BRINP3: variants seen among roughly 807,000 people sequenced by gnomAD.
The protein encoded by BRINP3 is BMP/retinoic acid inducible neural specific 3, also known as BMP/retinoic acid-inducible neural-specific protein 3.
BRINP3 carries 19 observed loss-of-function variants against 71.0 expected under a neutral mutation model. The observed-to-expected ratio is 0.27, with a 90% confidence interval of 0.19 to 0.39. BRINP3 has a LOEUF of 0.39. Among genes scored for constraint, BRINP3 ranks in the 10% least tolerant of loss-of-function variants. The pLI is 1.00. For missense variants in BRINP3, 959 were observed against 940.8 expected, an observed-to-expected ratio of 1.02 and a Z score of -0.25; for synonymous variants, 380 against 337.7, an observed-to-expected ratio of 1.13 and a Z score of -1.37.
chr1:190,149,234 C>T (rs1332720228), intron 7 of BRINP3, among the ~76,000 whole-genome samples: 2 of 152,140 alleles, frequency 1.3e-5, no homozygotes, highest in Non-Finnish European at 2.9e-5. Context: ...TCTTTTAGCT[C>T]GTTATGTGGG....
At chr1:190,229,334 C>A (rs1657717306) in intron 5 of BRINP3, among the ~76,000 whole-genome samples, 2 of 151,910 alleles carry the variant, frequency 1.3e-5, no homozygotes, top group African/African-American at 4.8e-5. Context: ...CCTGCACAAA[C>A]TCTCTCTTGT....
chr1:190,410,643 A>C (rs1672601683), intron 2 of BRINP3, among the ~76,000 whole-genome samples: 1 of 152,128 alleles, frequency 6.6e-6, no homozygotes, highest in African/African-American at 2.4e-5. Flanking sequence ...ATAGAATAAG[A>C]AAAGAAGACT....
At chr1:190,293,535 A>C (rs1180834791) in intron 2 of BRINP3, among the ~76,000 whole-genome samples, 1 of 152,106 alleles carries the variant, frequency 6.6e-6, no homozygotes, top group Non-Finnish European at 1.5e-5. Flanking sequence ...AGCTTGATCC[A>C]TTTGGTCTGG....
chr1:190,162,090 A>C (rs1651041919), intron 6 of BRINP3, among the ~76,000 whole-genome samples: 1 of 152,206 alleles, frequency 6.6e-6, no homozygotes, highest in Admixed American at 6.6e-5. Flanking sequence ...GCAAGGTAAC[A>C]GTACTTTTTA....
intron 6 of BRINP3, among the ~76,000 whole-genome samples, chr1:190,178,453 C>A (rs893993481): frequency 1.3e-5 from 2 of 152,048 alleles, no homozygotes; most frequent in Non-Finnish European, 2.9e-5. Flanking sequence ...GGTTGTAATG[C>A]CACACACAAA....
intron 6 of BRINP3, among the ~76,000 whole-genome samples, chr1:190,189,665 A>G (rs573728503): frequency 6.6e-6 from 1 of 150,952 alleles, no homozygotes; most frequent in South Asian, 2.1e-4. Context: ...AATTTTTCCC[A>G]TTGATTTTTT....
chr1:190,133,016 T>A (rs1316624045), intron 7 of BRINP3, among the ~76,000 whole-genome samples: 1 of 152,064 alleles, frequency 6.6e-6, no homozygotes, highest in Non-Finnish European at 1.5e-5. Flanking sequence ...CCAGGCCCAG[T>A]GAGGCCTACA....
In BRINP3 at chr1:190,443,261, C is replaced by G. The variant is rs147478070; in HGVS notation, c.236+11394G>C. Among the ~76,000 whole-genome samples the G allele has an allele frequency of 2.0e-5, 3 of 151,526 alleles. 1 individual carries two copies. The highest frequency in any genetic ancestry group is 4.4e-5 in the Non-Finnish European group (3 of 67,872). On this transcript the variant is annotated intron_variant, in intron 2 of 7. Coordinates refer to ENST00000367462, the MANE Select transcript of BRINP3 (RefSeq NM_199051.3). ...TCTACTAAAAATATAAAAAATTAGC[C>G]GGGCATTGTGGCGGGCGCCTGTAAT... is the stretch of plus-strand genomic sequence containing the variant.
At chr1:190,229,645 AACACACACACACACACAC>A (rs71794093) in intron 5 of BRINP3, among the ~76,000 whole-genome samples, 6 of 133,414 alleles carry the variant, frequency 4.5e-5, no homozygotes, top group African/African-American at 8.3e-5. Flanking sequence ...AACAAAACAA[AACACACACACACACACAC>A]ACACACACAC....
chr1:190,175,765 C>T (rs1269150800), intron 6 of BRINP3, among the ~76,000 whole-genome samples: 1 of 152,162 alleles, frequency 6.6e-6, no homozygotes, highest in Non-Finnish European at 1.5e-5. Flanking sequence ...TATCGTATAT[C>T]AACATCTGTC....
intron 7 of BRINP3, among the ~76,000 whole-genome samples, chr1:190,148,549 T>A (rs901096917): frequency 1.3e-5 from 2 of 151,088 alleles, no homozygotes; most frequent in African/African-American, 2.4e-5. Flanking sequence ...TGAGCTGAGA[T>A]CGCGCCGCTG....
intron 4 of BRINP3, among the ~76,000 whole-genome samples, chr1:190,244,382 A>G (rs1336614008): frequency 2.0e-5 from 3 of 152,160 alleles, no homozygotes; most frequent in East Asian, 1.9e-4. Context: ...CATCTACCCA[A>G]TCTGCTCGAT....
chr1:190,360,708 A>G lies in BRINP3; in HGVS notation c.237-78958T>C, dbSNP rs943373374. On this transcript the variant is annotated intron_variant, in intron 2 of 7. Coordinates refer to ENST00000367462, the MANE Select transcript of BRINP3 (RefSeq NM_199051.3). ...GGCTTTATCGTTGCCTTGGTGGAAAACATGTGACTTGTATTTCAATCTATT... is the reference window on the plus strand; with the variant it reads ...GGCTTTATCGTTGCCTTGGTGGAAAGCATGTGACTTGTATTTCAATCTATT... 4.6e-5 allele frequency among the ~76,000 whole-genome samples: 7 copies of G among 152,156 alleles called. 1 individual carries two copies. Among genetic ancestry groups the G allele is most frequent in the African/African-American group, 1.7e-4 (7 of 41,528 alleles).
At chr1:190,391,635 G>T (rs1671256899) in intron 2 of BRINP3, among the ~76,000 whole-genome samples, 1 of 151,712 alleles carries the variant, frequency 6.6e-6, no homozygotes, top group Admixed American at 6.6e-5. Context: ...GTTCCTTAGG[G>T]AGTGTTAGAT....
At chr1:190,390,486 A>G (rs935649768) in intron 2 of BRINP3, among the ~76,000 whole-genome samples, 4 of 151,800 alleles carry the variant, frequency 2.6e-5, no homozygotes, top group Non-Finnish European at 5.9e-5. Context: ...CTATGAATAC[A>G]TAAATGTCCA....
At chr1:190,427,900 C>G (rs1306148015) in intron 2 of BRINP3, among the ~76,000 whole-genome samples, 1 of 151,110 alleles carries the variant, frequency 6.6e-6, no homozygotes, top group Admixed American at 6.6e-5. Flanking sequence ...CTCCCATCCC[C>G]CATGCCCCAA....
chr1:190,400,134 C>T (rs1476929412), intron 2 of BRINP3, among the ~76,000 whole-genome samples: 1 of 151,974 alleles, frequency 6.6e-6, no homozygotes, highest in Admixed American at 6.6e-5. Flanking sequence ...CTGAAAACAC[C>T]TGATATGACA....
At chr1:190,452,927 A>T (rs1449787332) in intron 2 of BRINP3, among the ~76,000 whole-genome samples, 1 of 152,154 alleles carries the variant, frequency 6.6e-6, no homozygotes, top group Admixed American at 6.5e-5. Context: ...AAGCTAAACC[A>T]CAACAATCAC....
intron 6 of BRINP3, among the ~76,000 whole-genome samples, chr1:190,173,903 T>A (rs1652253603): frequency 6.6e-6 from 1 of 152,184 alleles, no homozygotes; most frequent in African/African-American, 2.4e-5. Context: ...CTGTATTCAA[T>A]TTTCCACAGT....
Sources: gnomAD v4.1 joint callset for allele counts (sites outside exome capture counted in the v4.1 genomes callset) on GRCh38, gnomAD v4.1.1 for gene constraint, MANE v1.5 for transcripts, NCBI Gene and HGNC (gene_info 2026-07-23, HGNC 2026-07-21) for gene names.